The following NOL4 variants were observed in gnomAD, a reference collection of about 807,000 sequenced individuals.
NOL4 encodes the protein cancer/testis antigen 125.
NOL4 carries 17 observed loss-of-function variants against 75.9 expected under a neutral mutation model. The observed-to-expected ratio is 0.22, with a 90% CI of 0.15 to 0.34. The LOEUF (loss-of-function observed/expected upper bound fraction) is 0.34. Among genes scored for constraint, NOL4 ranks in the 10% least tolerant of loss-of-function variants. The pLI is 1.00. For missense variants in NOL4, 614 were observed against 793.5 expected, an observed-to-expected ratio of 0.77 and a Z score of 2.72; for synonymous variants, 292 against 289.9, an observed-to-expected ratio of 1.01 and a Z score of -0.07.
At chr18:34,105,211 G>T (rs762261871) in intron 2 of NOL4, 51 bp from the exon 3 acceptor site, 2 of 1,153,758 alleles carry the variant, frequency 1.7e-6, no homozygotes, top group Non-Finnish European at 1.3e-6. Context: ...CACTGAGCAT[G>T]ATTTAACAGA....
At chr18:34,028,203 T>C (rs1378770886) in intron 5 of NOL4, among the ~76,000 whole-genome samples, 1 of 152,200 alleles carries the variant, frequency 6.6e-6, no homozygotes, top group Admixed American at 6.5e-5. Context: ...CACATAAGCA[T>C]GGCCATCTAT....
intron 6 of NOL4, among the ~76,000 whole-genome samples, chr18:34,010,131 C>A (rs972037525): frequency 1.2e-4 from 18 of 151,648 alleles, no homozygotes; most frequent in African/African-American, 4.4e-4. Context: ...TACCTATTAA[C>A]CATCTACACT....
intron 5 of NOL4, among the ~76,000 whole-genome samples, chr18:34,042,457 G>A (rs2076181068): frequency 6.6e-6 from 1 of 152,044 alleles, no homozygotes; most frequent in African/African-American, 2.4e-5. Flanking sequence ...ATCAAATGTT[G>A]ACAAGTTGTC....
At chr18:34,186,318 CA>C (rs1486476221) in intron 1 of NOL4, among the ~76,000 whole-genome samples, 1 of 152,006 alleles carries the variant, frequency 6.6e-6, no homozygotes, top group Non-Finnish European at 1.5e-5. Context: ...AACTGATGGC[CA>C]ATTAAAGTTT....
At chr18:34,043,682 T>C (rs1051646543) in intron 5 of NOL4, among the ~76,000 whole-genome samples, 1 of 152,070 alleles carries the variant, frequency 6.6e-6, no homozygotes, top group African/African-American at 2.4e-5. Context: ...TATATGTGTC[T>C]TACAGTGTTG....
intron 9 of NOL4, among the ~76,000 whole-genome samples, chr18:33,897,121 G>A (rs945116744): frequency 1.4e-4 from 21 of 152,150 alleles, no homozygotes; most frequent in African/African-American, 5.1e-4. Context: ...AGTAACAGAT[G>A]CTGGTGAGGT....
intron 2 of NOL4, among the ~76,000 whole-genome samples, chr18:34,125,227 C>T (rs2080331810): frequency 6.6e-6 from 1 of 152,088 alleles, no homozygotes; most frequent in African/African-American, 2.4e-5. Context: ...GTGCTTGAGA[C>T]CAAAGACTTC....
At chr18:33,982,376 C>T (rs2072037964) in intron 6 of NOL4, among the ~76,000 whole-genome samples, 1 of 151,992 alleles carries the variant, frequency 6.6e-6, no homozygotes, top group Non-Finnish European at 1.5e-5. Flanking sequence ...AAAGATACAC[C>T]ATGCTAATAC....
At chr18:34,214,577 G>A (rs182911450) in intron 1 of NOL4, among the ~76,000 whole-genome samples, 78 of 152,194 alleles carry the variant, frequency 5.1e-4, no homozygotes, top group African/African-American at 1.9e-3. Flanking sequence ...AGATTAAAGG[G>A]ACTTTTTGTT....
At chr18:34,018,540 G>C (rs990956885) in intron 6 of NOL4, among the ~76,000 whole-genome samples, 2 of 152,034 alleles carry the variant, frequency 1.3e-5, no homozygotes, top group African/African-American at 4.8e-5. Context: ...GTAAGGGCTG[G>C]GGAAGGCACT....
Position 34,023,766 on chromosome 18 carries a change from T to G in NOL4, c.773-4165A>C, listed in dbSNP as rs908802392. On this transcript the variant is annotated intron_variant, in intron 5 of 10. Transcript: ENST00000261592. ...TGTTCTGTGGCTACTTTTGATGGGA[T>G]GGATTTAGTGTTGGAGAATTATTGT... 19 of 243,310 alleles carry G rather than the reference T, an allele frequency of 7.8e-5. No homozygotes were observed. The Admixed American group carries it at 7.9e-4, about 10-fold the overall frequency. The allele number at this position is 243,310 out of a possible 1,614,324, so 15.1% of individuals were successfully genotyped here. A position where few individuals can be genotyped will look rare whatever the true frequency, so the allele number is the denominator to read the frequency against.
At chr18:33,863,206 G>T (rs1299503112) in intron 10 of NOL4, among the ~76,000 whole-genome samples, 7 of 151,882 alleles carry the variant, frequency 4.6e-5, no homozygotes, top group Non-Finnish European at 1.0e-4. Context: ...TCACTTATAG[G>T]TGGGAATTGA....
intron 1 of NOL4, among the ~76,000 whole-genome samples, chr18:34,176,737 C>G (rs1341910048): frequency 1.3e-5 from 2 of 152,098 alleles, no homozygotes; most frequent in Non-Finnish European, 2.9e-5. Context: ...GAAGAGAGCT[C>G]TCTCTAGGAG....
intron 1 of NOL4, among the ~76,000 whole-genome samples, chr18:34,135,696 T>C (rs1456054310): frequency 0.01 from 8 of 784 alleles, no homozygotes; most frequent in African/African-American, 0.019. Context: ...AGACTCCATC[T>C]CAAAAAAAAA....
At chr18:33,892,138 A>G (rs2065130150) in intron 9 of NOL4, among the ~76,000 whole-genome samples, 1 of 152,152 alleles carries the variant, frequency 6.6e-6, no homozygotes, top group African/African-American at 2.4e-5. Context: ...TTTAACAATC[A>G]TTAGTTCCAG....
At chr18:34,030,922 C>T (rs532217690) in intron 5 of NOL4, among the ~76,000 whole-genome samples, 2 of 107,408 alleles carry the variant, frequency 1.9e-5, no homozygotes, top group African/African-American at 5.9e-5. Flanking sequence ...ATATAAAAAT[C>T]AAAATATGTA....
At chr18:33,883,920 C>T (rs1006648627) in intron 9 of NOL4, among the ~76,000 whole-genome samples, 2 of 151,922 alleles carry the variant, frequency 1.3e-5, no homozygotes, top group African/African-American at 4.8e-5. Flanking sequence ...GACAAAGAAA[C>T]ATAAAGTAGA....
intron 1 of NOL4, among the ~76,000 whole-genome samples, chr18:34,196,020 C>A (rs1020153154): frequency 6.6e-6 from 1 of 151,848 alleles, no homozygotes; most frequent in East Asian, 1.9e-4. Flanking sequence ...CATGAATAAC[C>A]AATAAACTAA....
At chr18:33,880,121 G>A (rs2064171946) in intron 10 of NOL4, among the ~76,000 whole-genome samples, 1 of 151,940 alleles carries the variant, frequency 6.6e-6, no homozygotes, top group Non-Finnish European at 1.5e-5. Context: ...AAGAACATTT[G>A]CACTGTCTTT....
Sources: gnomAD v4.1 joint callset for allele counts (sites outside exome capture counted in the v4.1 genomes callset) on GRCh38, gnomAD v4.1.1 for gene constraint, MANE v1.5 for transcripts, NCBI Gene and HGNC (gene_info 2026-07-23, HGNC 2026-07-21) for gene names.